The following KIF2A variants were observed in gnomAD, a reference collection of about 807,000 sequenced individuals.
KIF2A encodes the protein kinesin family member 2A.
KIF2A carries 22 observed loss-of-function variants against 100.2 expected under a neutral mutation model. That is an observed-to-expected ratio of 0.22 (90% confidence interval 0.16 to 0.31). The LOEUF (loss-of-function observed/expected upper bound fraction) is 0.31. Ranked by LOEUF, KIF2A falls within the 10% of genes least tolerant of loss-of-function variation. The pLI, the probability that KIF2A is intolerant of heterozygous loss-of-function variation, is 1.00. For missense variants in KIF2A, 495 were observed against 898.7 expected (o/e 0.55, Z 5.74); for synonymous variants, 268 against 285.9 (o/e 0.94, Z 0.63).
chr5:62,307,384 T>A (rs1187592957), intron 1 of KIF2A, among the ~76,000 whole-genome samples: 3 of 151,922 alleles, frequency 2.0e-5, no homozygotes, highest in Non-Finnish European at 4.4e-5. Flanking sequence ...TTTTTTTTTT[T>A]AAGAGCCTTA....
chr5:62,319,847 TATAGTCCC>T (rs1290621993), intron 1 of KIF2A, among the ~76,000 whole-genome samples: 4 of 152,190 alleles, frequency 2.6e-5, no homozygotes, highest in Admixed American at 2.0e-4. Flanking sequence ...TGAATAGCAA[TATAGTCCC>T]ATGACTAATG....
At chr5:62,384,894 G>C (rs567791833) in intron 20 of KIF2A, among the ~76,000 whole-genome samples, 50 of 152,176 alleles carry the variant, frequency 3.3e-4, no homozygotes, top group Non-Finnish European at 6.5e-4. Flanking sequence ...TATAATCCCA[G>C]CACTTTGGGA....
intron 16 of KIF2A, among the ~76,000 whole-genome samples, chr5:62,368,039 AT>A (rs977265180): frequency 6.6e-6 from 1 of 152,182 alleles, no homozygotes; most frequent in Admixed American, 6.5e-5. Flanking sequence ...TAAAATACTT[AT>A]GCATATAGAA....
chr5:62,341,816 G>T (rs1747309788), intron 1 of KIF2A, among the ~76,000 whole-genome samples: 1 of 152,088 alleles, frequency 6.6e-6, no homozygotes, highest in African/African-American at 2.4e-5. Flanking sequence ...GGTTGTGTTG[G>T]TCTTGCCTTT....
intron 20 of KIF2A, among the ~76,000 whole-genome samples, chr5:62,382,945 T>C (rs1375631315): frequency 6.6e-6 from 1 of 151,130 alleles, no homozygotes; most frequent in Non-Finnish European, 1.5e-5. Flanking sequence ...TTTTTTTTTT[T>C]TGAGATAGTG....
chr5:62,353,488 A>C (rs1402225468), intron 6 of KIF2A, 113 bp downstream of exon 6: 1 of 483,636 alleles, frequency 2.1e-6, no homozygotes, highest in Non-Finnish European at 3.6e-6. Context: ...AAGAATTTTA[A>C]GAATTCCTTA....
At position 62,387,688 on chromosome 5, in the gene KIF2A, A is replaced by G. The variant is rs1434237876; in HGVS notation, c.*2119A>G. On this transcript the variant is annotated 3_prime_UTR_variant, in exon 21 of 21. Transcript: ENST00000407818. ...CGAGTTAAATCTTAAAATTTTTACT[A>G]TAAGGATAGAGATGATACAAGTGAA... is the stretch of plus-strand genomic sequence containing the variant. 1.3e-5 allele frequency: 2 copies of G among 152,198 alleles called. No homozygotes were observed. Among genetic ancestry groups the G allele is most frequent in the African/African-American group, 2.4e-5 (1 of 41,460 alleles). 9.4% of individuals were successfully genotyped at this position (152,198 alleles called of 1,614,324 possible). A position where few individuals can be genotyped will look rare whatever the true frequency, so the allele number is the denominator to read the frequency against.
intron 16 of KIF2A, among the ~76,000 whole-genome samples, chr5:62,370,992 C>T (rs955894269): frequency 3.3e-5 from 5 of 152,090 alleles, no homozygotes; most frequent in East Asian, 1.9e-4. Context: ...TCAGGCCAGA[C>T]GCTGTAGCTC....
At chr5:62,348,443 AT>A (rs1747684483) in intron 3 of KIF2A, among the ~76,000 whole-genome samples, 2 of 152,092 alleles carry the variant, frequency 1.3e-5, no homozygotes, top group African/African-American at 2.4e-5. Context: ...GATCAAAACC[AT>A]TTGCTTGGTG....
At chr5:62,381,044 T>C in intron 19 of KIF2A, 74 bp from the exon 20 acceptor site, 3 of 1,090,928 alleles carry the variant, frequency 2.7e-6, no homozygotes, top group Non-Finnish European at 2.7e-6. Context: ...TGTTTGATTA[T>C]ATTTAACAGA....
chr5:62,345,937 G>GT (rs1163305455), intron 1 of KIF2A, among the ~76,000 whole-genome samples: 2 of 151,994 alleles, frequency 1.3e-5, no homozygotes, highest in Admixed American at 1.3e-4. Flanking sequence ...TTTTTAAAAA[G>GT]TATTTTATAT....
intron 16 of KIF2A, among the ~76,000 whole-genome samples, chr5:62,367,294 T>C (rs962846596): frequency 6.6e-6 from 1 of 151,710 alleles, no homozygotes; most frequent in Non-Finnish European, 1.5e-5. Flanking sequence ...TGAGACAGAG[T>C]CTTGTTCTGT....
intron 8 of KIF2A, 53 bp downstream of exon 8, chr5:62,357,798 G>T: frequency 9.2e-7 from 1 of 1,081,916 alleles, no homozygotes; most frequent in South Asian, 1.4e-5. Context: ...TATTTGTAAT[G>T]TATTTTTATA....
intron 4 of KIF2A, among the ~76,000 whole-genome samples, chr5:62,351,832 T>C (rs1049010003): frequency 1.3e-5 from 2 of 152,174 alleles, no homozygotes; most frequent in Non-Finnish European, 2.9e-5. Flanking sequence ...TTGATTAGTG[T>C]ACATTTTTAA....
chr5:62,356,494 A>C (rs2062317590), intron 7 of KIF2A, among the ~76,000 whole-genome samples: 1 of 152,256 alleles, frequency 6.6e-6, no homozygotes, highest in South Asian at 2.1e-4. Flanking sequence ...GTAGTAGCTA[A>C]ATTAGACCCA....
chr5:62,313,421 C>T (rs13155700), intron 1 of KIF2A, among the ~76,000 whole-genome samples: 77,843 of 151,254 alleles, frequency 0.51, 20,884 homozygotes, highest in South Asian at 0.65. Context: ...GGCGTGATCT[C>T]GGCTCACTGC....
intron 16 of KIF2A, among the ~76,000 whole-genome samples, chr5:62,369,976 A>G (rs1045507619): frequency 2.0e-5 from 3 of 152,188 alleles, no homozygotes; most frequent in Non-Finnish European, 4.4e-5. Context: ...TCTTTAGAAT[A>G]GACAGCTAAT....
At chr5:62,315,359 C>G (rs1360062147) in intron 1 of KIF2A, among the ~76,000 whole-genome samples, 1 of 151,874 alleles carries the variant, frequency 6.6e-6, no homozygotes, top group African/African-American at 2.4e-5. Context: ...CTTTAAGGCA[C>G]CTAACATACT....
intron 14 of KIF2A, among the ~76,000 whole-genome samples, chr5:62,364,511 A>G (rs1740976682): frequency 6.6e-6 from 1 of 152,218 alleles, no homozygotes. Context: ...GAGCTAAGAA[A>G]CAGTTTCTCA....
Sources: gnomAD v4.1 joint callset for allele counts (sites outside exome capture counted in the v4.1 genomes callset) on GRCh38, gnomAD v4.1.1 for gene constraint, MANE v1.5 for transcripts, NCBI Gene and HGNC (gene_info 2026-07-23, HGNC 2026-07-21) for gene names.